Variants in RBFOX1 observed in about 807,000 individuals in gnomAD.
The protein encoded by RBFOX1 is RNA binding protein fox-1 homolog 1.
In RBFOX1, 8 loss-of-function variants were observed where a neutral mutation model predicts 57.7. The observed-to-expected ratio is 0.14, with a 90% CI of 0.08 to 0.25. The LOEUF (loss-of-function observed/expected upper bound fraction) is 0.25. RBFOX1 is among the 10% of genes least tolerant of loss of function. RBFOX1 has a pLI of 1.00. For synonymous variants in RBFOX1, 326 were observed against 222.4 expected (o/e 1.47, Z -4.15); for missense variants, 611 against 548.5 (o/e 1.11, Z -1.14).
intron 3 of RBFOX1, among the ~76,000 whole-genome samples, chr16:6,747,476 T>TGTCTGTCTGTCTGTCTGTCTGTC (rs1414362121): frequency 7.3e-6 from 1 of 137,034 alleles, no homozygotes; most frequent in East Asian, 2.0e-4. Flanking sequence ...GTCTGTCTGT[T>TGTCTGTCTGTCTGTCTGTCTGTC]TATCTATCTG....
intron 2 of RBFOX1, among the ~76,000 whole-genome samples, chr16:5,536,631 C>T (rs1435578340): frequency 6.6e-6 from 1 of 152,060 alleles, no homozygotes; most frequent in East Asian, 1.9e-4. Flanking sequence ...ATGTCAGCTG[C>T]ATAAATGGGA....
chr16:7,020,391 T>C (rs1051788477), intron 3 of RBFOX1, among the ~76,000 whole-genome samples: 1 of 152,002 alleles, frequency 6.6e-6, no homozygotes, highest in Non-Finnish European at 1.5e-5. Flanking sequence ...AGCTACTTTT[T>C]TGTAGTTTTA....
chr16:5,360,548 T>C lies in RBFOX1; in HGVS notation c.220-106668T>C, dbSNP rs1010176293. Among the ~76,000 whole-genome samples the C allele has an allele frequency of 4.6e-5, 7 of 152,298 alleles. No individual in the cohort carries two copies. In the East Asian group the frequency reaches 7.8e-4, roughly 17 times the overall value. On this transcript the variant is annotated intron_variant, in intron 1 of 2. Transcript: ENST00000585867. Reference sequence around the variant, plus strand: ...AGCTACCTGGGCTGAGTCTAATGCATTGAGTGAATTGATACTTTAAGGGAA... The same window carrying C: ...AGCTACCTGGGCTGAGTCTAATGCACTGAGTGAATTGATACTTTAAGGGAA...
rs553362220 is a variant in RBFOX1 at position 7,117,604 on chromosome 16, T to C, written c.27+65506T>C. ...AAAAATGGGAATAATTAATTAATAC[T>C]GAGCTCATAGAGCTTTTGGAAGAAT... On this transcript the variant is annotated intron_variant, in intron 4 of 15. Transcript: ENST00000550418. Among the ~76,000 whole-genome samples the C allele has an allele frequency of 2.0e-5, 3 of 152,352 alleles. No homozygotes were observed. In the South Asian group the frequency reaches 6.2e-4, roughly 32 times the overall value.
intron 3 of RBFOX1, among the ~76,000 whole-genome samples, chr16:6,866,580 C>T (rs1056133273): frequency 3.3e-4 from 36 of 107,912 alleles, no homozygotes; most frequent in Non-Finnish European, 5.8e-4. Context: ...CTCGCTCTGT[C>T]CCCCAGGCTG....
chr16:6,817,060 T>C (rs1206109593), intron 3 of RBFOX1, among the ~76,000 whole-genome samples: 1 of 152,114 alleles, frequency 6.6e-6, no homozygotes, highest in Non-Finnish European at 1.5e-5. Flanking sequence ...TTTGACATAA[T>C]TTTTGCAAAT....
chr16:7,276,463 T>G (rs1371656295), intron 4 of RBFOX1, among the ~76,000 whole-genome samples: 2 of 152,178 alleles, frequency 1.3e-5, no homozygotes, highest in Non-Finnish European at 2.9e-5. Context: ...TTAGTTTTTC[T>G]TCCTTCCTCT....
At chr16:7,350,531 G>A (rs2097109487) in intron 4 of RBFOX1, among the ~76,000 whole-genome samples, 1 of 152,156 alleles carries the variant, frequency 6.6e-6, no homozygotes, top group African/African-American at 2.4e-5. Flanking sequence ...TGATCTGATT[G>A]TATCATGTTA....
chr16:5,542,035 A>G (rs534495437), intron 2 of RBFOX1, among the ~76,000 whole-genome samples: 54 of 152,266 alleles, frequency 3.5e-4, no homozygotes, highest in African/African-American at 1.2e-3. Context: ...CGATCAAAAT[A>G]TATACTGATT....
At chr16:6,409,977 G>A (rs1169596130) in intron 2 of RBFOX1, among the ~76,000 whole-genome samples, 1 of 152,092 alleles carries the variant, frequency 6.6e-6, no homozygotes, top group Non-Finnish European at 1.5e-5. Context: ...ACTGCCAGAG[G>A]CTGCTTGCTT....
chr16:7,088,437 G>A (rs1002936732), intron 4 of RBFOX1, among the ~76,000 whole-genome samples: 2 of 152,100 alleles, frequency 1.3e-5, no homozygotes, highest in African/African-American at 2.4e-5. Context: ...ATGTGTGTCC[G>A]TATGTGTGTA....
chr16:6,994,950 T>C (rs1162169443), intron 3 of RBFOX1, among the ~76,000 whole-genome samples: 2 of 133,754 alleles, frequency 1.5e-5, no homozygotes, highest in African/African-American at 6.0e-5. Context: ...TTATTTTGTG[T>C]GTGTGTGTGT....
intron 4 of RBFOX1, among the ~76,000 whole-genome samples, chr16:7,185,835 A>T (rs1002044659): frequency 1.3e-5 from 2 of 152,182 alleles, no homozygotes; most frequent in African/African-American, 4.8e-5. Flanking sequence ...TTGATGAACA[A>T]GAGTGATTTG....
At chr16:6,808,160 A>ATGTG (rs373756020) in intron 3 of RBFOX1, among the ~76,000 whole-genome samples, 24,723 of 139,556 alleles carry the variant, frequency 0.18, 2,710 homozygotes, top group Non-Finnish European at 0.25. Flanking sequence ...TACCTTATAT[A>ATGTG]TGTGTGTGTG....
intron 4 of RBFOX1, among the ~76,000 whole-genome samples, chr16:7,087,248 G>C (rs1319302756): frequency 6.6e-6 from 1 of 152,186 alleles, no homozygotes; most frequent in Non-Finnish European, 1.5e-5. Context: ...TGGCCTCCCA[G>C]AGTCACCGGC....
At chr16:6,912,899 C>T (rs1216841588) in intron 3 of RBFOX1, among the ~76,000 whole-genome samples, 1 of 152,126 alleles carries the variant, frequency 6.6e-6, no homozygotes, top group Non-Finnish European at 1.5e-5. Flanking sequence ...GGATTACAGG[C>T]ATGAGCCACC....
At chr16:5,454,237 C>T (rs1042384114) in intron 1 of RBFOX1, among the ~76,000 whole-genome samples, 1 of 152,208 alleles carries the variant, frequency 6.6e-6, no homozygotes, top group Non-Finnish European at 1.5e-5. Context: ...TTCACACTTC[C>T]CTCTGGAGGG....
intron 12 of RBFOX1, among the ~76,000 whole-genome samples, chr16:7,659,660 A>G (rs1306441086): frequency 1.3e-5 from 2 of 152,224 alleles, no homozygotes; most frequent in Admixed American, 1.3e-4. Context: ...GGCTGCATTC[A>G]AAGTTGTCCT....
intron 4 of RBFOX1, among the ~76,000 whole-genome samples, chr16:7,215,464 T>A (rs7202558): frequency 6.6e-6 from 1 of 152,090 alleles, no homozygotes; most frequent in African/African-American, 2.4e-5. Context: ...GTAGCACATA[T>A]ACACCATGGA....
Sources: allele counts gnomAD v4.1 joint callset (sites outside exome capture counted in the v4.1 genomes callset), GRCh38; gene constraint gnomAD v4.1.1; transcripts MANE v1.5; gene names NCBI Gene and HGNC (gene_info 2026-07-23, HGNC 2026-07-21).